Variants in KIAA0586 observed in about 807,000 individuals in gnomAD.
KIAA0586 encodes the protein KIAA0586, also known as protein TALPID3.
Under a neutral mutation model 169.8 loss-of-function variants are expected in KIAA0586, and 144 were observed. That is an observed-to-expected ratio of 0.85 (90% CI 0.74 to 0.97). The LOEUF (loss-of-function observed/expected upper bound fraction) is 0.97, where lower values mean the gene tolerates loss of function less well. Ranked by LOEUF, KIAA0586 falls within the 50% of genes least tolerant of loss-of-function variation. KIAA0586 has a pLI of 0.00. For synonymous variants in KIAA0586, 625 were observed against 612.4 expected (o/e 1.02, Z -0.30); for missense variants, 1,854 against 1,823.0 (o/e 1.02, Z -0.31).
intron 8 of KIAA0586, among the ~76,000 whole-genome samples, chr14:58,451,539 TAATA>T (rs1325705001): frequency 1.3e-5 from 2 of 152,108 alleles, no homozygotes; most frequent in African/African-American, 4.8e-5. Flanking sequence ...GTTTTGTTAT[TAATA>T]AATAAAAAAC....
At chr14:58,541,110 C>T (rs1177003595) in intron 30 of KIAA0586, among the ~76,000 whole-genome samples, 1 of 152,184 alleles carries the variant, frequency 6.6e-6, no homozygotes, top group Admixed American at 6.5e-5. Flanking sequence ...GAACTCAGGG[C>T]TGATTTTAAA....
intron 29 of KIAA0586, among the ~76,000 whole-genome samples, chr14:58,538,902 C>T (rs891024522): frequency 2.0e-5 from 3 of 152,138 alleles, no homozygotes; most frequent in Non-Finnish European, 2.9e-5. Flanking sequence ...ACCTGAGCCT[C>T]CCAAGTAGCT....
At chr14:58,462,940 A>G (rs1029229693) in intron 14 of KIAA0586, among the ~76,000 whole-genome samples, 1 of 152,158 alleles carries the variant, frequency 6.6e-6, no homozygotes, top group Non-Finnish European at 1.5e-5. Flanking sequence ...ATTAGGGGAA[A>G]CTGCCCCCAT....
At chr14:58,499,459 A>T (rs2043399744) in intron 27 of KIAA0586, among the ~76,000 whole-genome samples, 1 of 151,666 alleles carries the variant, frequency 6.6e-6, no homozygotes. Context: ...TCACCATGTT[A>T]GTCAGGATGG....
At chr14:58,447,349 C>T (rs1467046841) in intron 6 of KIAA0586, among the ~76,000 whole-genome samples, 2 of 152,074 alleles carry the variant, frequency 1.3e-5, no homozygotes, top group Non-Finnish European at 2.9e-5. Flanking sequence ...TAAATATATA[C>T]ACCTACTGTG....
intron 29 of KIAA0586, among the ~76,000 whole-genome samples, chr14:58,513,401 A>G (rs753216920): frequency 6.6e-5 from 10 of 152,038 alleles, no homozygotes; most frequent in Non-Finnish European, 1.0e-4. Flanking sequence ...GCAAATGCAT[A>G]TTATTGAATG....
Position 58,547,778 on chromosome 14 carries a change from C to G in KIAA0586, c.4496-3C>G. ...GAGCTGAATGAGCTTCTCCTTTGTGCAGGTGGGAAAGCAGTGCCACTCTCC... is the reference window on the plus strand; with the variant it reads ...GAGCTGAATGAGCTTCTCCTTTGTGGAGGTGGGAAAGCAGTGCCACTCTCC... On this transcript the variant is annotated splice_region_variant and splice_polypyrimidine_tract_variant and intron_variant, in intron 30 of 30. Coordinates refer to ENST00000652326, the MANE Select transcript of KIAA0586 (RefSeq NM_001329943.3). 6.2e-7 allele frequency: 1 copy of G among 1,611,646 alleles called. No homozygotes were observed. Among genetic ancestry groups the G allele is most frequent in the Non-Finnish European group, 8.5e-7 (1 of 1,178,582 alleles).
chr14:58,499,814 C>G (rs1323649405), intron 27 of KIAA0586, among the ~76,000 whole-genome samples: 2 of 152,182 alleles, frequency 1.3e-5, no homozygotes, highest in African/African-American at 2.4e-5. Flanking sequence ...CCACCTTGGC[C>G]TCCCAAAGTG....
At chr14:58,455,671 C>CAT (rs1555381751) in intron 9 of KIAA0586, among the ~76,000 whole-genome samples, 1 of 150,022 alleles carries the variant, frequency 6.7e-6, no homozygotes, top group African/African-American at 2.5e-5. Flanking sequence ...CCATGGATTA[C>CAT]GTGTGTGTGT....
At chr14:58,540,792 A>C (rs927875366) in intron 30 of KIAA0586, among the ~76,000 whole-genome samples, 4 of 152,238 alleles carry the variant, frequency 2.6e-5, no homozygotes, top group African/African-American at 9.6e-5. Flanking sequence ...ATAGTGACTA[A>C]TTCTGGAAAG....
At chr14:58,552,508 G>A (rs1453502982), downstream of KIAA0586, among the ~76,000 whole-genome samples, 1 of 152,032 alleles carries the variant, frequency 6.6e-6, no homozygotes, top group Non-Finnish European at 1.5e-5. Flanking sequence ...TCTTTTTCTG[G>A]GTCTTTATAG....
intron 16 of KIAA0586, among the ~76,000 whole-genome samples, chr14:58,469,031 G>A (rs2040994998): frequency 6.6e-6 from 1 of 152,078 alleles, no homozygotes; most frequent in Non-Finnish European, 1.5e-5. Flanking sequence ...CAGGCTCTTA[G>A]TACTGATTTT....
In KIAA0586 at chr14:58,429,345, A is replaced by G. The variant is rs1292418115; in HGVS notation, c.200-18A>G. 3 of 1,475,126 alleles carry G rather than the reference A, an allele frequency of 2.0e-6. No homozygotes were observed. Among genetic ancestry groups the G allele is most frequent in the Non-Finnish European group, 2.8e-6 (3 of 1,054,050 alleles). The allele number at this position is 1,475,126 out of a possible 1,614,324, so 91.4% of individuals were successfully genotyped here. ...TCTGATTTTAAAATCACTAAAATCT[A>G]TTCCTTTGTTTTGTTAGGTTCATCA... On this transcript the variant is annotated intron_variant, in intron 1 of 30. Transcript: ENST00000652326.
At chr14:58,507,550 G>T (rs964033993) in intron 27 of KIAA0586, among the ~76,000 whole-genome samples, 1 of 151,628 alleles carries the variant, frequency 6.6e-6, no homozygotes, top group Non-Finnish European at 1.5e-5. Context: ...TTTGATTTTG[G>T]ACAGTTAGTT....
intron 14 of KIAA0586, among the ~76,000 whole-genome samples, chr14:58,462,407 C>T (rs2040400433): frequency 6.6e-6 from 1 of 151,320 alleles, no homozygotes; most frequent in Non-Finnish European, 1.5e-5. Flanking sequence ...GCCACAATGC[C>T]CAGCTAATTT....
intron 28 of KIAA0586, among the ~76,000 whole-genome samples, chr14:58,510,956 G>C (rs1269523367): frequency 6.6e-6 from 1 of 152,042 alleles, no homozygotes; most frequent in Non-Finnish European, 1.5e-5. Flanking sequence ...TTGGGGTGAT[G>C]GTAGGAGTTA....
chr14:58,469,855 T>C (rs74565978), intron 16 of KIAA0586, among the ~76,000 whole-genome samples: 11 of 152,286 alleles, frequency 7.2e-5, no homozygotes, highest in African/African-American at 2.6e-4. Flanking sequence ...ATGCATCCAT[T>C]TAAAAACTAT....
At chr14:58,439,296 C>T (rs968018737) in intron 4 of KIAA0586, among the ~76,000 whole-genome samples, 7 of 152,166 alleles carry the variant, frequency 4.6e-5, no homozygotes, top group African/African-American at 1.7e-4. Flanking sequence ...ACGCCATTCT[C>T]CTTCCTCAGC....
chr14:58,457,437 T>C (rs188550411), intron 10 of KIAA0586, among the ~76,000 whole-genome samples: 1 of 152,244 alleles, frequency 6.6e-6, no homozygotes, highest in Admixed American at 6.5e-5. Flanking sequence ...CTGGCTAATT[T>C]TTGTATTTTT....
Sources: allele counts gnomAD v4.1 joint callset (sites outside exome capture counted in the v4.1 genomes callset), GRCh38; gene constraint gnomAD v4.1.1; transcripts MANE v1.5; gene names NCBI Gene and HGNC (gene_info 2026-07-23, HGNC 2026-07-21).